Variants in STOX1 observed in about 807,000 individuals in gnomAD.
STOX1 encodes storkhead box 1, also known as storkhead-box protein 1.
STOX1 carries 57 observed loss-of-function variants against 74.8 expected under a neutral mutation model. The ratio of observed to expected loss-of-function variants is 0.76; its 90% CI spans 0.62 to 0.95. The LOEUF (loss-of-function observed/expected upper bound fraction) is 0.95. Ranked by LOEUF, STOX1 falls within the 40% of genes least tolerant of loss-of-function variation. The pLI is 0.00. For missense variants in STOX1, 1,010 were observed against 1,117.0 expected, an observed-to-expected ratio of 0.90 and a Z score of 1.37; for synonymous variants, 375 against 401.3, an observed-to-expected ratio of 0.93 and a Z score of 0.78.
intron 1 of STOX1, among the ~76,000 whole-genome samples, chr10:68,842,775 G>A (rs905961801): frequency 6.6e-6 from 1 of 151,948 alleles, no homozygotes; most frequent in South Asian, 2.1e-4. Flanking sequence ...TCCTGACCTC[G>A]TGATTCACCT....
intron 1 of STOX1, among the ~76,000 whole-genome samples, chr10:68,852,282 C>T (rs1341174268): frequency 7.0e-4 from 80 of 114,976 alleles, no homozygotes; most frequent in Non-Finnish European, 1.2e-3. Flanking sequence ...GACGGAGTCT[C>T]GCTCTGTCGC....
intron 3 of STOX1, among the ~76,000 whole-genome samples, chr10:68,888,535 A>G (rs909937105): frequency 2.6e-5 from 4 of 151,990 alleles, no homozygotes; most frequent in Non-Finnish European, 5.9e-5. Context: ...GTTGCTTTTT[A>G]AAATTAATAG....
Position 68,847,858 on chromosome 10 carries a change from A to G in STOX1, c.310+19925A>G, listed in dbSNP as rs1343732542. On this transcript the variant is annotated intron_variant, in intron 1 of 3. Coordinates refer to ENST00000298596, the MANE Select transcript of STOX1 (RefSeq NM_152709.5). The stretch of plus-strand genomic sequence containing the variant: ...GCAGTTCTCCTGCCTCAGCCTCCCA[A>G]GTAGCTGGGATTACAGGCATGCACC... Among the ~76,000 whole-genome samples, 3 of 151,996 alleles carry G rather than the reference A, an allele frequency of 2.0e-5. No individual in the cohort carries two copies. In the East Asian group the frequency reaches 5.8e-4, roughly 29 times the overall value.
chr10:68,893,935 G>A (rs1391625304), downstream of STOX1, among the ~76,000 whole-genome samples: 3 of 152,142 alleles, frequency 2.0e-5, no homozygotes, highest in African/African-American at 7.2e-5. Context: ...TTTCTGTTAA[G>A]CTTTTTCAGA....
intron 3 of STOX1, among the ~76,000 whole-genome samples, chr10:68,890,089 C>T (rs1315222036): frequency 5.3e-5 from 8 of 151,886 alleles, no homozygotes; most frequent in East Asian, 3.9e-4. Flanking sequence ...GGATTACAGG[C>T]GTGAGCCACA....
rs1030994805 is a variant in STOX1 at position 68,876,933 on chromosome 10, T to G, written c.311-5025T>G. On this transcript the variant is annotated intron_variant, in intron 1 of 3. Coordinates refer to ENST00000298596, the MANE Select transcript of STOX1 (RefSeq NM_152709.5). ...AGATGCATTCCAAAAAGCAAAGGAG[T>G]GCAAAAGTCACTGAAACAGACCATA... is the stretch of plus-strand genomic sequence containing the variant. Among the ~76,000 whole-genome samples the G allele has an allele frequency of 5.9e-5, 9 of 152,148 alleles. No homozygotes were observed. The East Asian group carries it at 1.5e-3, about 26-fold the overall frequency.
intron 1 of STOX1, among the ~76,000 whole-genome samples, chr10:68,831,145 CAA>C (rs1490744289): frequency 1.3e-5 from 2 of 152,172 alleles, no homozygotes; most frequent in African/African-American, 2.4e-5. Flanking sequence ...TAGAAAAGGA[CAA>C]AAAGAGTCAA....
chr10:68,886,576 A>AAAATC lies in STOX1; in HGVS notation c.2782_2786dup (p.His929GlnfsTer11). Reference sequence around the variant, plus strand: ...GAACACAGTCACTTGGAAGGGACAGAAAATCACAGCATGGCAGGAGATAGT... The same window carrying AAAATC: ...GAACACAGTCACTTGGAAGGGACAGAAAATCAAATCACAGCATGGCAGGAGATAGT... On this transcript the variant is annotated frameshift_variant, in exon 3 of 4. Coordinates refer to ENST00000298596, the MANE Select transcript of STOX1 (RefSeq NM_152709.5). LOFTEE classifies it high-confidence loss of function. 13 of 1,614,250 alleles carry AAAATC rather than the reference A, an allele frequency of 8.1e-6. No homozygotes were observed. Among genetic ancestry groups the AAAATC allele is most frequent in the Non-Finnish European group, 1.1e-5 (13 of 1,180,038 alleles).
intron 1 of STOX1, among the ~76,000 whole-genome samples, chr10:68,871,113 G>A (rs567350984): frequency 6.6e-6 from 1 of 151,450 alleles, no homozygotes; most frequent in East Asian, 2.0e-4. Flanking sequence ...GAGCCTAAGG[G>A]TTTTGGGCCA....
Position 68,892,833 on chromosome 10 carries a change from AAAGGC to A in STOX1, c.*101_*105del. ...AGAATTGAGTATATAAGAATTGTCT[AAAGGC>A]AAGCATATCTATACTATTAACCACA... On this transcript the variant is annotated 3_prime_UTR_variant, in exon 4 of 4. Transcript: ENST00000298596. 1 of 1,345,108 alleles carries A rather than the reference AAAGGC, an allele frequency of 7.4e-7. No individual in the cohort carries two copies. Among genetic ancestry groups the A allele is most frequent in the Non-Finnish European group, 1.0e-6 (1 of 961,622 alleles). 83.3% of individuals were successfully genotyped at this position (1,345,108 alleles called of 1,614,324 possible).
At chr10:68,837,123 A>G (rs769813768) in intron 1 of STOX1, among the ~76,000 whole-genome samples, 3 of 152,220 alleles carry the variant, frequency 2.0e-5, no homozygotes, top group Non-Finnish European at 4.4e-5. Flanking sequence ...CAAGGAGCTC[A>G]TAGTCTAGGG....
Position 68,886,171 on chromosome 10 carries a change from A to G in STOX1, c.2375A>G (p.Gln792Arg). ...YNSTMERVES[Q>R]VLKRNECYKP... ...AGCACAATGGAGAGGGTTGAGTCTC[A>G]GGTGCTTAAAAGAAATGAATGCTAC... The change falls in exon 3 of 4, where the codon CAG becomes CGG. Residue 792 changes from glutamine to arginine, a missense_variant. Physicochemically the swap from Gln to Arg is conservative, Grantham distance 43 (BLOSUM62 1). Coordinates refer to ENST00000298596, the MANE Select transcript of STOX1 (RefSeq NM_152709.5). 6.2e-7 allele frequency: 1 copy of G among 1,614,200 alleles called. No homozygotes were observed. Among genetic ancestry groups the G allele is most frequent in the African/African-American group, 1.3e-5 (1 of 75,052 alleles).
intron 3 of STOX1, among the ~76,000 whole-genome samples, chr10:68,888,627 A>ATTTTTTTT (rs747038041): frequency 2.9e-4 from 31 of 107,820 alleles, no homozygotes; most frequent in Middle Eastern, 6.0e-3. Flanking sequence ...CTTTGCCAGT[A>ATTTTTTTT]TTTTTTTTTT....
At chr10:68,888,034 T>G (rs184778285) in intron 3 of STOX1, among the ~76,000 whole-genome samples, 1 of 152,150 alleles carries the variant, frequency 6.6e-6, no homozygotes, top group Non-Finnish European at 1.5e-5. Flanking sequence ...TTGAAAAATA[T>G]TTTTTAAAAC....
chr10:68,873,541 G>A (rs1382553741), intron 1 of STOX1, among the ~76,000 whole-genome samples: 3 of 137,382 alleles, frequency 2.2e-5, no homozygotes, highest in Admixed American at 7.5e-5. Flanking sequence ...GATTACAAGC[G>A]TGAGCCACCG....
chr10:68,843,100 G>A (rs10998457), intron 1 of STOX1, among the ~76,000 whole-genome samples: 48,676 of 152,054 alleles, frequency 0.32, 9,228 homozygotes, highest in Middle Eastern at 0.49. Context: ...GTGCAGTGGT[G>A]CAATCACAGC....
At chr10:68,879,625 T>A (rs903881030) in intron 1 of STOX1, among the ~76,000 whole-genome samples, 5 of 152,134 alleles carry the variant, frequency 3.3e-5, no homozygotes, top group Admixed American at 1.3e-4. Context: ...CAGCATCCAG[T>A]CATATTCACT....
chr10:68,871,144 T>G (rs780558262), intron 1 of STOX1, among the ~76,000 whole-genome samples: 20 of 152,200 alleles, frequency 1.3e-4, no homozygotes, highest in Non-Finnish European at 1.9e-4. Context: ...CGTTTTAGTA[T>G]TATTCAAAAG....
Position 68,827,588 on chromosome 10 carries a change from G to C in STOX1, c.-36G>C. ...CGTCGTAGCCGCCGCGCTCGCCGAG[G>C]CCCTGCGTTGCGGGCTCCCGGCCGC... On this transcript the variant is annotated 5_prime_UTR_variant, in exon 1 of 4. Coordinates refer to ENST00000298596, the MANE Select transcript of STOX1 (RefSeq NM_152709.5). The C allele has an allele frequency of 8.9e-7, 1 of 1,124,336 alleles. No homozygotes were observed. Among genetic ancestry groups the C allele is most frequent in the Admixed American group, 4.9e-5 (1 of 20,470 alleles). The allele number at this position is 1,124,336 out of a possible 1,614,324, so 69.6% of individuals were successfully genotyped here.
Sources: allele counts gnomAD v4.1 joint callset (sites outside exome capture counted in the v4.1 genomes callset), GRCh38; gene constraint gnomAD v4.1.1; transcripts MANE v1.5; gene names NCBI Gene and HGNC (gene_info 2026-07-23, HGNC 2026-07-21).